The following UPRT variants were observed in gnomAD, a reference collection of about 807,000 sequenced individuals.
UPRT encodes uracil phosphoribosyltransferase homolog, also known as RP11-311P8.3.
UPRT carries 5 observed loss-of-function variants against 22.6 expected under a neutral mutation model. The observed-to-expected ratio is 0.22, with a 90% CI of 0.12 to 0.47. The LOEUF is 0.47. Ranked by LOEUF, UPRT falls within the 20% of genes least tolerant of loss-of-function variation. The pLI, the probability that UPRT is intolerant of heterozygous loss-of-function variation, is 0.99. For synonymous variants in UPRT, 77 were observed against 87.7 expected, an observed-to-expected ratio of 0.88 and a Z score of 0.68; for missense variants, 181 against 239.9, an observed-to-expected ratio of 0.75 and a Z score of 1.62.
chrX:75,277,185 G>A (rs1351960082), intron 1 of UPRT, among the ~76,000 whole-genome samples: 1 of 111,642 alleles, frequency 9.0e-6, no homozygotes, highest in African/African-American at 3.3e-5. Flanking sequence ...GAATAATGCT[G>A]CTATGAACAT....
intron 4 of UPRT, among the ~76,000 whole-genome samples, chrX:75,175,018 G>A (rs1288816886): frequency 2.7e-5 from 3 of 109,788 alleles, no homozygotes; most frequent in Non-Finnish European, 5.7e-5. Flanking sequence ...CTCGTTCTCT[G>A]ATGTTTTTCT....
upstream of UPRT, among the ~76,000 whole-genome samples, chrX:75,271,856 G>T (rs765170796): frequency 3.4e-4 from 38 of 111,615 alleles, no homozygotes; most frequent in Non-Finnish European, 5.8e-4. Flanking sequence ...ATTCTCAAAA[G>T]AAGATATACA....
At position 75,185,316 on chromosome X, in the gene UPRT, A is replaced by G. The variant is rs150793341; in HGVS notation, c.-447+17437A>G. 5.2e-3 allele frequency among the ~76,000 whole-genome samples: 579 copies of G among 111,892 alleles called. 19 individuals are homozygous for G. The East Asian group carries it at 0.12, about 24-fold the overall frequency. ...GTCTTGGGTTCTGTGTATATGCTGG[A>G]TTACATTTATTGATTTGCGTATATT... On this transcript the variant is annotated intron_variant, in intron 4 of 13. Transcript: ENST00000652605.
chrX:75,296,249 T>TTCA, intron 2 of UPRT, 93 bp from the exon 3 acceptor site: 1 of 899,539 alleles, frequency 1.1e-6, no homozygotes, highest in Non-Finnish European at 1.6e-6. Flanking sequence ...GCCTAGTGTG[T>TTCA]TCATGACTCT....
At chrX:75,286,319 G>A (rs183900951) in intron 1 of UPRT, among the ~76,000 whole-genome samples, 1 of 59,843 alleles carries the variant, frequency 1.7e-5, no homozygotes, top group Non-Finnish European at 2.8e-5. Flanking sequence ...GGGGGGGGTG[G>A]GTCCTGATTT....
At chrX:75,249,803 G>A (rs1442154637) in intron 4 of UPRT, among the ~76,000 whole-genome samples, 1 of 111,232 alleles carries the variant, frequency 9.0e-6, no homozygotes, top group African/African-American at 3.3e-5. Context: ...TGACCACATA[G>A]TTGGAAGTAA....
intron 4 of UPRT, among the ~76,000 whole-genome samples, chrX:75,244,311 A>T (rs2147654743): frequency 8.9e-6 from 1 of 112,017 alleles, no homozygotes; most frequent in African/African-American, 3.2e-5. Context: ...TGGAAAAATA[A>T]TTTTAAGAAT....
rs1212859111 is a variant in UPRT at position 75,235,359 on chromosome X, G to C, written c.-446-55665G>C. On this transcript the variant is annotated intron_variant, in intron 4 of 13. Coordinates refer to the UPRT transcript ENST00000652605. ...TCACAGCCGAATTCTACCAGAGGTA[G>C]AAGGAGGAACTGGTACCATTCCTTC... Among the ~76,000 whole-genome samples, 38 of 111,572 alleles carry C rather than the reference G, an allele frequency of 3.4e-4. No individual in the cohort carries two copies. In the East Asian group the frequency reaches 8.8e-3, roughly 26 times the overall value.
intron 4 of UPRT, among the ~76,000 whole-genome samples, chrX:75,179,720 T>C (rs947914129): frequency 2.0e-4 from 23 of 113,396 alleles, no homozygotes; most frequent in African/African-American, 6.7e-4. Flanking sequence ...GGGCTGGCAC[T>C]GCTGGGGGAC....
intron 4 of UPRT, among the ~76,000 whole-genome samples, chrX:75,234,661 C>T (rs1174739115): frequency 1.8e-5 from 2 of 111,317 alleles, no homozygotes; most frequent in East Asian, 2.8e-4. Context: ...TACATGGAAA[C>T]TGAACAACCT....
intron 4 of UPRT, among the ~76,000 whole-genome samples, chrX:75,182,432 T>G (rs1414576805): frequency 1.8e-5 from 2 of 111,787 alleles, no homozygotes; most frequent in East Asian, 5.6e-4. Context: ...GTTGAAATGG[T>G]ACCAGCTCTT....
intron 1 of UPRT, among the ~76,000 whole-genome samples, chrX:75,279,900 A>G (rs113679386): frequency 0.05 from 5,556 of 111,144 alleles, 162 homozygotes; most frequent in Admixed American, 0.1. Flanking sequence ...TATGATGTTT[A>G]GTTTTCCATT....
intron 4 of UPRT, among the ~76,000 whole-genome samples, chrX:75,251,644 A>C (rs2082530275): frequency 1.8e-5 from 2 of 111,817 alleles, no homozygotes; most frequent in African/African-American, 6.5e-5. Flanking sequence ...TGCCCAAGGT[A>C]ATTTATAGAT....
intron 4 of UPRT, among the ~76,000 whole-genome samples, chrX:75,215,216 AG>A (rs1416938339): frequency 2.7e-5 from 3 of 111,696 alleles, no homozygotes; most frequent in African/African-American, 9.8e-5. Context: ...ATGCAGTGAA[AG>A]CAGTGCTGAG....
chrX:75,181,033 A>G (rs1307307576), intron 4 of UPRT, among the ~76,000 whole-genome samples: 3 of 110,080 alleles, frequency 2.7e-5, no homozygotes, highest in African/African-American at 9.9e-5. Flanking sequence ...TTTTTTGTAT[A>G]TGGTTTAAGA....
At chrX:75,242,930 A>C (rs1293283256) in intron 4 of UPRT, among the ~76,000 whole-genome samples, 2 of 111,741 alleles carry the variant, frequency 1.8e-5, no homozygotes, top group Admixed American at 1.9e-4. Flanking sequence ...AGTGATTCCT[A>C]TTAGTACATG....
chrX:75,268,530 T>C (rs1177511816), intron 4 of UPRT, among the ~76,000 whole-genome samples: 1 of 111,174 alleles, frequency 9.0e-6, no homozygotes, highest in Non-Finnish European at 1.9e-5. Context: ...GCAAACCAAA[T>C]CCAGCAGCAC....
upstream of UPRT, among the ~76,000 whole-genome samples, chrX:75,270,388 A>G (rs1435721735): frequency 9.0e-6 from 1 of 111,718 alleles, no homozygotes; most frequent in Non-Finnish European, 1.9e-5. Context: ...CATTTGACCC[A>G]GCAATTCCAT....
intron 4 of UPRT, among the ~76,000 whole-genome samples, chrX:75,213,254 TC>T (rs925886311): frequency 6.2e-5 from 7 of 112,181 alleles, no homozygotes; most frequent in African/African-American, 2.3e-4. Context: ...CATTAAATGG[TC>T]TTTTAGCATC....
Sources: allele counts gnomAD v4.1 joint callset (sites outside exome capture counted in the v4.1 genomes callset), GRCh38; gene constraint gnomAD v4.1.1; transcripts MANE v1.5; gene names NCBI Gene and HGNC (gene_info 2026-07-23, HGNC 2026-07-21).